Variants in TAS2R1 observed in about 807,000 individuals in gnomAD.
TAS2R1 encodes taste 2 receptor member 1, also known as taste receptor type 2 member 1.
For missense variants in TAS2R1, 370 were observed against 353.4 expected (o/e 1.05, Z -0.38); for synonymous variants, 141 against 134.2 (o/e 1.05, Z -0.35).
intron 2 of TAS2R1, among the ~76,000 whole-genome samples, chr5:9,635,991 T>TCA (rs1739956751): frequency 6.6e-6 from 1 of 152,056 alleles, no homozygotes; most frequent in Admixed American, 6.6e-5. Context: ...GGGGTTTGTT[T>TCA]GTTCTTGTTT....
At chr5:9,753,857 T>C in the TAS2R1 span, among the ~76,000 whole-genome samples, 1 of 152,242 alleles carries the variant, frequency 6.6e-6, no homozygotes, top group Non-Finnish European at 1.5e-5. Context: ...CAGATGGTTG[T>C]AGATATGCGG....
chr5:9,730,488 G>A, the TAS2R1 span, among the ~76,000 whole-genome samples: 1 of 152,214 alleles, frequency 6.6e-6, no homozygotes, highest in Non-Finnish European at 1.5e-5. Flanking sequence ...CACCTGTGCA[G>A]GTGCCACACC....
chr5:9,759,735 A>G, the TAS2R1 span, among the ~76,000 whole-genome samples: 1 of 152,220 alleles, frequency 6.6e-6, no homozygotes, highest in African/African-American at 2.4e-5. Context: ...GGTTGTCACT[A>G]TTTTTAAAGT....
At chr5:9,677,386 G>T (rs567281675) in intron 1 of TAS2R1, among the ~76,000 whole-genome samples, 21 of 151,580 alleles carry the variant, frequency 1.4e-4, no homozygotes, top group Admixed American at 1.3e-3. Flanking sequence ...CAACAAACCT[G>T]TACTTGTACC....
chr5:9,833,187 T>C, the TAS2R1 span, among the ~76,000 whole-genome samples: 1 of 152,180 alleles, frequency 6.6e-6, no homozygotes, highest in African/African-American at 2.4e-5. Context: ...CAGGCGAGCC[T>C]CAGAGAGATG....
At chr5:9,700,763 C>T (rs1028870578) in intron 1 of TAS2R1, among the ~76,000 whole-genome samples, 2 of 152,078 alleles carry the variant, frequency 1.3e-5, no homozygotes, top group African/African-American at 4.8e-5. Flanking sequence ...TGTAGATGAC[C>T]GTCTTCTCTC....
the TAS2R1 span, among the ~76,000 whole-genome samples, chr5:9,782,925 G>A: frequency 6.6e-6 from 1 of 152,166 alleles, no homozygotes; most frequent in East Asian, 1.9e-4. Flanking sequence ...GATAGCTAGG[G>A]AGGACAGAAA....
chr5:9,754,785 G>A, the TAS2R1 span, among the ~76,000 whole-genome samples: 12 of 152,180 alleles, frequency 7.9e-5, no homozygotes, highest in Middle Eastern at 3.2e-3. Flanking sequence ...TCATGGGTAG[G>A]AAGAATTAAC....
chr5:9,899,186 G>C, the TAS2R1 span, among the ~76,000 whole-genome samples: 1 of 152,154 alleles, frequency 6.6e-6, no homozygotes, highest in Non-Finnish European at 1.5e-5. Flanking sequence ...GATGGAGTCG[G>C]CACTCAGGAT....
At chr5:9,716,765 G>A (rs561735048), upstream of TAS2R1, among the ~76,000 whole-genome samples, 1 of 152,212 alleles carries the variant, frequency 6.6e-6, no homozygotes, top group South Asian at 2.1e-4. Flanking sequence ...GGGAAAAAAT[G>A]ACAACTTTTG....
At chr5:9,806,354 C>T in the TAS2R1 span, among the ~76,000 whole-genome samples, 1 of 151,938 alleles carries the variant, frequency 6.6e-6, no homozygotes, top group Non-Finnish European at 1.5e-5. Context: ...ATGCAATTTC[C>T]ATCAAAATAT....
At chr5:9,901,362 G>T in the TAS2R1 span, among the ~76,000 whole-genome samples, 1 of 152,040 alleles carries the variant, frequency 6.6e-6, no homozygotes, top group Non-Finnish European at 1.5e-5. Flanking sequence ...TGTTTGGGCT[G>T]AGAGAAAACC....
intron 2 of TAS2R1, among the ~76,000 whole-genome samples, chr5:9,654,823 G>A (rs1740377785): frequency 6.6e-6 from 1 of 152,152 alleles, no homozygotes; most frequent in South Asian, 2.1e-4. Context: ...AAATAATACA[G>A]CTATTCTGGA....
At chr5:9,779,202 C>T in the TAS2R1 span, among the ~76,000 whole-genome samples, 1 of 152,194 alleles carries the variant, frequency 6.6e-6, no homozygotes, top group South Asian at 2.1e-4. Flanking sequence ...GACCTCCTTC[C>T]TCTCTCCCTT....
the TAS2R1 span, among the ~76,000 whole-genome samples, chr5:9,852,993 T>A: frequency 3.9e-5 from 6 of 152,232 alleles, no homozygotes; most frequent in Non-Finnish European, 8.8e-5. Context: ...GGAAAACAGA[T>A]GATAGAAATC....
the TAS2R1 span, among the ~76,000 whole-genome samples, chr5:9,743,613 G>A: frequency 6.6e-6 from 1 of 152,092 alleles, no homozygotes; most frequent in East Asian, 1.9e-4. Flanking sequence ...AGTAAGTCAT[G>A]GAAATATAAA....
the TAS2R1 span, among the ~76,000 whole-genome samples, chr5:9,761,277 C>T: frequency 6.6e-6 from 1 of 152,108 alleles, no homozygotes; most frequent in African/African-American, 2.4e-5. Flanking sequence ...AATAGCAAAA[C>T]ATATTTTTTC....
At chr5:9,722,608 A>G in the TAS2R1 span, among the ~76,000 whole-genome samples, 898 of 152,302 alleles carry the variant, frequency 5.9e-3, 8 homozygotes, top group African/African-American at 0.021. Context: ...GCAAAGCAAA[A>G]GTTTAGATCT....
chr5:9,857,979 G>T, the TAS2R1 span, among the ~76,000 whole-genome samples: 2 of 152,186 alleles, frequency 1.3e-5, no homozygotes, highest in African/African-American at 2.4e-5. Context: ...AGGGCCATGG[G>T]GGGTATTCTA....
Sources: allele counts gnomAD v4.1 joint callset (sites outside exome capture counted in the v4.1 genomes callset), GRCh38; gene constraint gnomAD v4.1.1; transcripts MANE v1.5; gene names NCBI Gene and HGNC (gene_info 2026-07-23, HGNC 2026-07-21).